The following EYS variants were observed in gnomAD, a reference collection of about 807,000 sequenced individuals.
The protein encoded by EYS is EGF-like photoreceptor maintenance factor.
In EYS, 250 loss-of-function variants were observed where a neutral mutation model predicts 282.1. The observed-to-expected ratio is 0.89, with a 90% CI of 0.80 to 0.98. EYS has a LOEUF of 0.98. Ranked by LOEUF, EYS falls within the 50% of genes least tolerant of loss-of-function variation. The pLI is 0.00. For synonymous variants in EYS, 1,355 were observed against 1,282.9 expected, an observed-to-expected ratio of 1.06 and a Z score of -1.20; for missense variants, 4,016 against 3,709.0, an observed-to-expected ratio of 1.08 and a Z score of -2.15.
At chr6:64,533,636 A>G (rs1440516361) in intron 26 of EYS, among the ~76,000 whole-genome samples, 4 of 152,046 alleles carry the variant, frequency 2.6e-5, no homozygotes, top group Non-Finnish European at 4.4e-5. Flanking sequence ...TAGGCAAAAT[A>G]AAAGCTGAGA....
intron 32 of EYS, among the ~76,000 whole-genome samples, chr6:64,074,794 T>A (rs1771708177): frequency 6.6e-6 from 1 of 151,902 alleles, no homozygotes; most frequent in South Asian, 2.1e-4. Context: ...TACCTCACAT[T>A]TTTATGGTGT....
chr6:63,832,991 A>G lies in EYS; in HGVS notation c.7229-26619T>C, dbSNP rs528554478. Among the ~76,000 whole-genome samples, 5 of 152,374 alleles carry G rather than the reference A, an allele frequency of 3.3e-5. No homozygotes were observed. In the East Asian group the frequency reaches 9.6e-4, roughly 29 times the overall value. On this transcript the variant is annotated intron_variant, in intron 36 of 42. Transcript: ENST00000503581. ...CACATGACTATGTCAATAGATGCAG[A>G]AAAGGCCTTTGACAAAATTCAGCAG... is the stretch of plus-strand genomic sequence containing the variant.
At chr6:64,775,033 C>G (rs532856967) in intron 22 of EYS, among the ~76,000 whole-genome samples, 3 of 151,894 alleles carry the variant, frequency 2.0e-5, no homozygotes, top group East Asian at 1.9e-4. Context: ...AGTGCAAACT[C>G]GAATGCCTAG....
chr6:65,047,897 A>G (rs976358629), intron 13 of EYS, among the ~76,000 whole-genome samples: 1 of 151,892 alleles, frequency 6.6e-6, no homozygotes, highest in Non-Finnish European at 1.5e-5. Flanking sequence ...CCACTGCCTT[A>G]GGGAAGATAA....
At chr6:65,520,021 A>T (rs1041965566) in intron 2 of EYS, among the ~76,000 whole-genome samples, 4 of 151,472 alleles carry the variant, frequency 2.6e-5, no homozygotes, top group African/African-American at 9.7e-5. Context: ...CTCTTTATAG[A>T]TTCACCCTTT....
At chr6:64,665,690 G>A (rs1054353961) in intron 22 of EYS, among the ~76,000 whole-genome samples, 29 of 152,148 alleles carry the variant, frequency 1.9e-4, no homozygotes, top group Non-Finnish European at 4.4e-5. Context: ...TGAACCAATT[G>A]TCACGTTTTC....
chr6:64,559,402 T>C (rs1765331385), intron 26 of EYS, among the ~76,000 whole-genome samples: 2 of 151,622 alleles, frequency 1.3e-5, no homozygotes, highest in African/African-American at 4.8e-5. Flanking sequence ...CAAGGGATCC[T>C]TCCACTTTAA....
At chr6:64,596,905 T>G (rs1766603799) in intron 24 of EYS, among the ~76,000 whole-genome samples, 1 of 152,012 alleles carries the variant, frequency 6.6e-6, no homozygotes. Flanking sequence ...AGGAAACAAT[T>G]GACAGAGTGA....
At chr6:64,668,947 G>A (rs189760963) in intron 22 of EYS, among the ~76,000 whole-genome samples, 35 of 152,094 alleles carry the variant, frequency 2.3e-4, no homozygotes, top group Middle Eastern at 3.4e-3. Context: ...AATAAATCAC[G>A]TGTTTTGCCA....
rs565149802 is a variant in EYS at position 64,556,175 on chromosome 6, G to A, written c.5644+34048C>T. 2.0e-4 allele frequency among the ~76,000 whole-genome samples: 31 copies of A among 152,034 alleles called. 1 individual carries two copies. Among genetic ancestry groups the A allele is most frequent in the Admixed American group, 5.9e-4 (9 of 15,264 alleles). On this transcript the variant is annotated intron_variant, in intron 26 of 42. Coordinates refer to ENST00000503581, the MANE Select transcript of EYS (RefSeq NM_001142800.2). ...TAAAAATATTTGTCTTCACAGAGACGTATGCATAAATGTTTATAGCAATGT... is the reference window on the plus strand; with the variant it reads ...TAAAAATATTTGTCTTCACAGAGACATATGCATAAATGTTTATAGCAATGT...
At chr6:64,438,374 G>C (rs889824757) in intron 27 of EYS, among the ~76,000 whole-genome samples, 1 of 151,694 alleles carries the variant, frequency 6.6e-6, no homozygotes, top group African/African-American at 2.4e-5. Context: ...TTAGCGATTA[G>C]AGCAAGGATA....
intron 2 of EYS, among the ~76,000 whole-genome samples, chr6:65,535,548 C>T (rs915061293): frequency 1.3e-5 from 2 of 152,098 alleles, no homozygotes; most frequent in Non-Finnish European, 2.9e-5. Flanking sequence ...TTTAAACTTT[C>T]TTCCTTTATA....
intron 31 of EYS, among the ~76,000 whole-genome samples, chr6:64,204,032 C>T (rs975816521): frequency 6.6e-6 from 1 of 152,142 alleles, no homozygotes; most frequent in African/African-American, 2.4e-5. Flanking sequence ...AATTAAATCA[C>T]ATTTGACTAT....
chr6:64,872,411 A>G (rs536996262), intron 19 of EYS, among the ~76,000 whole-genome samples: 16 of 152,176 alleles, frequency 1.1e-4, no homozygotes, highest in East Asian at 5.8e-4. Flanking sequence ...TTGAAAACCA[A>G]TGGTGCAGTA....
At chr6:65,634,577 A>T (rs1371165652) in intron 2 of EYS, among the ~76,000 whole-genome samples, 2 of 152,172 alleles carry the variant, frequency 1.3e-5, no homozygotes, top group Non-Finnish European at 2.9e-5. Flanking sequence ...CTACTCGGCA[A>T]CTCTACATGG....
At chr6:64,627,801 CG>C (rs2149858183) in intron 22 of EYS, among the ~76,000 whole-genome samples, 1 of 152,208 alleles carries the variant, frequency 6.6e-6, no homozygotes, top group South Asian at 2.1e-4. Context: ...GCTTTAGGGC[CG>C]GGGGCGGTGG....
At chr6:64,673,499 A>G (rs1432555395) in intron 22 of EYS, among the ~76,000 whole-genome samples, 1 of 152,124 alleles carries the variant, frequency 6.6e-6, no homozygotes, top group Admixed American at 6.5e-5. Context: ...ACTTTGATGT[A>G]CTGCTGCCAA....
At chr6:64,278,273 T>G (rs995488031) in intron 30 of EYS, among the ~76,000 whole-genome samples, 3 of 152,192 alleles carry the variant, frequency 2.0e-5, no homozygotes, top group Non-Finnish European at 4.4e-5. Flanking sequence ...ATGAATATCA[T>G]TTGCAGCATC....
rs992305946 is a variant in EYS, at chr6:64,128,168, C to T, written c.6425-46166G>A. On this transcript the variant is annotated intron_variant, in intron 31 of 42. Transcript: ENST00000503581. ...GTGTACAGAGCTTATTACATTGCTA[C>T]ACGTTTTTACCTGAGCAGTACGATC... 2.6e-5 allele frequency among the ~76,000 whole-genome samples: 4 copies of T among 152,100 alleles called. No homozygotes were observed. In the East Asian group the frequency reaches 7.7e-4, roughly 29 times the overall value.
Sources: allele counts gnomAD v4.1 joint callset (sites outside exome capture counted in the v4.1 genomes callset), GRCh38; gene constraint gnomAD v4.1.1; transcripts MANE v1.5; gene names NCBI Gene and HGNC (gene_info 2026-07-23, HGNC 2026-07-21).